The following TNRC6B variants were observed in gnomAD, a reference collection of about 807,000 sequenced individuals.
TNRC6B encodes the protein trinucleotide repeat containing adaptor 6B, also known as trinucleotide repeat-containing gene 6B protein.
A neutral mutation model predicts 203.6 loss-of-function variants in TNRC6B; 52 were observed. The ratio of observed to expected loss-of-function variants is 0.26; its 90% CI spans 0.20 to 0.32. The LOEUF (loss-of-function observed/expected upper bound fraction) is 0.32, where lower values mean the gene tolerates loss of function less well. TNRC6B is among the 10% of genes least tolerant of loss of function. The probability of loss-of-function intolerance (pLI) is 1.00; values close to 1 mark genes in which losing one functional copy is unlikely to be tolerated. For missense variants in TNRC6B, 1,923 were observed against 2,286.2 expected, an observed-to-expected ratio of 0.84 and a Z score of 3.24; for synonymous variants, 838 against 845.7, an observed-to-expected ratio of 0.99 and a Z score of 0.16.
chr22:40,127,862 C>CT (rs2068507834), intron 3 of TNRC6B, among the ~76,000 whole-genome samples: 2 of 151,946 alleles, frequency 1.3e-5, no homozygotes, highest in African/African-American at 4.8e-5. Flanking sequence ...CAAAGCCAGA[C>CT]CCTGCCTCAA....
At chr22:40,281,366 T>A (rs2070719274) in intron 11 of TNRC6B, 77 bp downstream of exon 11, 1 of 1,260,060 alleles carries the variant, frequency 7.9e-7, no homozygotes, top group Non-Finnish European at 1.1e-6. Context: ...ATTGCATCAT[T>A]TGTCTGTCTT....
At chr22:40,300,355 G>A (rs1053454579) in intron 12 of TNRC6B, 100 bp from the exon 13 acceptor site, 15 of 1,199,982 alleles carry the variant, frequency 1.3e-5, no homozygotes, top group Non-Finnish European at 1.7e-5. Flanking sequence ...GACAACTCTT[G>A]CTTTAGATTC....
intron 3 of TNRC6B, among the ~76,000 whole-genome samples, chr22:40,256,971 G>C (rs1242591911): frequency 6.6e-6 from 1 of 152,224 alleles, no homozygotes; most frequent in Non-Finnish European, 1.5e-5. Context: ...GCAAAAGCCA[G>C]TGTGTGTTGG....
chr22:40,214,295 T>G (rs2069604252), intron 1 of TNRC6B, among the ~76,000 whole-genome samples: 1 of 148,622 alleles, frequency 6.7e-6, no homozygotes, highest in African/African-American at 2.5e-5. Context: ...AAAAAAAGGG[T>G]AACATGAGGG....
intron 1 of TNRC6B, among the ~76,000 whole-genome samples, chr22:40,069,727 T>C (rs968309789): frequency 3.6e-4 from 54 of 151,994 alleles, no homozygotes; most frequent in African/African-American, 1.2e-3. Context: ...CCTCAGGTGA[T>C]CCACCCACCT....
intron 8 of TNRC6B, 98 bp downstream of exon 8, chr22:40,277,249 A>T (rs1601482583): frequency 1.2e-6 from 1 of 835,936 alleles, no homozygotes; most frequent in East Asian, 2.9e-5. Context: ...TACAAAATTA[A>T]AGATTTAAAA....
At chr22:40,250,885 A>C (rs565185180) in intron 2 of TNRC6B, among the ~76,000 whole-genome samples, 143 of 150,378 alleles carry the variant, frequency 9.5e-4, no homozygotes, top group African/African-American at 3.4e-3. Flanking sequence ...AGCATTCAAA[A>C]TGCAAGTAGC....
At chr22:40,273,008 T>C (rs1394203533) in intron 6 of TNRC6B, among the ~76,000 whole-genome samples, 1 of 152,240 alleles carries the variant, frequency 6.6e-6, no homozygotes, top group Non-Finnish European at 1.5e-5. Flanking sequence ...GTATTTATAG[T>C]GTCCATTGTA....
Position 40,266,108 on chromosome 22 carries a change from T to C in TNRC6B, c.1878T>C (p.Thr626=), listed in dbSNP as rs1479447500. The C allele has an allele frequency of 6.2e-7, 1 of 1,613,790 alleles. No homozygotes were observed. Among genetic ancestry groups the C allele is most frequent in the Non-Finnish European group, 8.5e-7 (1 of 1,179,888 alleles). The change falls in exon 5 of 23, where the codon ACT becomes ACC. Residue 626 remains threonine, a synonymous_variant. Transcript: ENST00000454349. ...TCTCAAACACTGGCTGGGGCCAAAC[T>C]CAAATTAAGCAGGACACAGTGTGGG... The part of the protein sequence containing the change: ...RVLSNTGWGQ[T]QIKQDTVWDI...
At chr22:40,147,246 CAG>C (rs1190803739) in intron 3 of TNRC6B, among the ~76,000 whole-genome samples, 15 of 152,144 alleles carry the variant, frequency 9.9e-5, no homozygotes, top group African/African-American at 3.4e-4. Context: ...CTGGAGGAGT[CAG>C]AGTCATAGAG....
chr22:40,306,435 A>G (rs1269309982), intron 15 of TNRC6B, among the ~76,000 whole-genome samples: 2 of 152,228 alleles, frequency 1.3e-5, no homozygotes, highest in African/African-American at 4.8e-5. Context: ...TCTTTGCCAG[A>G]ATCCTAGGTT....
At position 40,330,948 on chromosome 22, in the gene TNRC6B, C is replaced by G. The variant is rs1368994506; in HGVS notation, c.*7707C>G. The G allele has an allele frequency of 6.5e-6, 1 of 152,682 alleles. No individual in the cohort carries two copies. Among genetic ancestry groups the G allele is most frequent in the East Asian group, 1.9e-4 (1 of 5,198 alleles). 9.5% of individuals were successfully genotyped at this position (152,682 alleles called of 1,614,324 possible). A position where few individuals can be genotyped will look rare whatever the true frequency, so the allele number is the denominator to read the frequency against. ...GGAAGGTACCCAGGCGACGCAGACC[C>G]ACGTTAGTCCAAGAGCGCAGGTTTA... On this transcript the variant is annotated 3_prime_UTR_variant, in exon 23 of 23. Transcript: ENST00000454349.
chr22:40,250,951 T>A (rs1318977056), intron 2 of TNRC6B, among the ~76,000 whole-genome samples: 1 of 128,150 alleles, frequency 7.8e-6, no homozygotes, highest in Non-Finnish European at 1.7e-5. Context: ...TTTTTTTTTT[T>A]AAGTTTTACT....
At chr22:40,283,220 A>G (rs1054754666) in intron 11 of TNRC6B, among the ~76,000 whole-genome samples, 2 of 151,996 alleles carry the variant, frequency 1.3e-5, no homozygotes, top group Non-Finnish European at 2.9e-5. Flanking sequence ...TTGTATTTTT[A>G]GTAGAGATGG....
At chr22:40,149,056 C>T (rs1227376145) in intron 3 of TNRC6B, among the ~76,000 whole-genome samples, 4 of 152,116 alleles carry the variant, frequency 2.6e-5, no homozygotes, top group Admixed American at 2.0e-4. Flanking sequence ...GGTATTTACT[C>T]AATAAAAAAG....
intron 1 of TNRC6B, among the ~76,000 whole-genome samples, chr22:40,202,060 A>G (rs999636060): frequency 2.0e-5 from 3 of 152,146 alleles, no homozygotes; most frequent in African/African-American, 7.2e-5. Flanking sequence ...TTTTGTCTCA[A>G]GTAGTGTAAG....
chr22:40,080,837 G>GT lies in TNRC6B; in HGVS notation c.-121+35853dup, dbSNP rs58040463. On this transcript the variant is annotated intron_variant, in intron 1 of 23. Transcript: ENST00000301923. ...TCATGTATAACTTTCTTTCTTTTTT[G>GT]TTTTTTTTTTTTTTCATGTATAACT... Among the ~76,000 whole-genome samples, 2,566 of 134,298 alleles carry GT rather than the reference G, an allele frequency of 0.019. 182 individuals are homozygous for GT. In the East Asian group the frequency reaches 0.28, roughly 15 times the overall value. 88.1% of individuals were successfully genotyped at this position (134,298 alleles called of 152,430 possible).
intron 12 of TNRC6B, among the ~76,000 whole-genome samples, chr22:40,289,023 A>C (rs1286065665): frequency 2.7e-5 from 4 of 150,462 alleles, no homozygotes; most frequent in African/African-American, 9.8e-5. Context: ...CATGTTGGCC[A>C]AGCTGGTCTG....
rs192471548 is a variant in TNRC6B, at chr22:40,135,751, C to T, written c.45+9889C>T. ...CTTCTGACTCAAGTGATCCTCCTGC[C>T]TCGGCCTCCCAAAGTGCTGAGATTA... On this transcript the variant is annotated intron_variant, in intron 3 of 23. Coordinates refer to the TNRC6B transcript ENST00000301923. Among the ~76,000 whole-genome samples the T allele has an allele frequency of 3.9e-5, 6 of 152,294 alleles. No homozygotes were observed. The East Asian group carries it at 1.2e-3, about 29-fold the overall frequency.
Sources: gnomAD v4.1 joint callset for allele counts (sites outside exome capture counted in the v4.1 genomes callset) on GRCh38, gnomAD v4.1.1 for gene constraint, MANE v1.5 for transcripts, NCBI Gene and HGNC (gene_info 2026-07-23, HGNC 2026-07-21) for gene names.